Variants in TAX1BP1 observed in about 807,000 individuals in gnomAD.
The protein encoded by TAX1BP1 is tax1-binding protein 1.
TAX1BP1 carries 62 observed loss-of-function variants against 97.7 expected under a neutral mutation model. The ratio of observed to expected loss-of-function variants is 0.63; its 90% CI spans 0.52 to 0.78. The LOEUF is 0.78. TAX1BP1 is among the 30% of genes least tolerant of loss of function. TAX1BP1 has a pLI of 0.00. For synonymous variants in TAX1BP1, 340 were observed against 304.2 expected (o/e 1.12, Z -1.23); for missense variants, 867 against 916.1 (o/e 0.95, Z 0.69).
chr7:27,808,493 A>G (rs1041871838), intron 13 of TAX1BP1, among the ~76,000 whole-genome samples: 1 of 152,158 alleles, frequency 6.6e-6, no homozygotes, highest in African/African-American at 2.4e-5. Flanking sequence ...TTTGGTGGGT[A>G]GGGTGGAGGG....
At chr7:27,791,973 T>C (rs769095349) in intron 8 of TAX1BP1, 33 bp from the exon 9 acceptor site, 6 of 1,597,150 alleles carry the variant, frequency 3.8e-6, no homozygotes, top group Non-Finnish European at 5.1e-6. Context: ...CTTGAGTGGT[T>C]GAATTACAAA....
At chr7:27,787,641 A>G (rs1440577929) in intron 8 of TAX1BP1, 38 bp downstream of exon 8, 7 of 1,523,654 alleles carry the variant, frequency 4.6e-6, no homozygotes, top group East Asian at 2.3e-5. Flanking sequence ...AGATTGTAAA[A>G]CATACCTATG....
At chr7:27,781,481 T>G (rs1244490705) in intron 5 of TAX1BP1, among the ~76,000 whole-genome samples, 2 of 152,168 alleles carry the variant, frequency 1.3e-5, no homozygotes, top group Admixed American at 6.5e-5. Flanking sequence ...TTTGTGTATC[T>G]AAACATATCT....
intron 1 of TAX1BP1, among the ~76,000 whole-genome samples, chr7:27,746,549 T>G (rs1787827679): frequency 1.3e-5 from 2 of 152,130 alleles, no homozygotes; most frequent in South Asian, 4.1e-4. Flanking sequence ...TCTTCAGTTA[T>G]TTTAGGCAGA....
At chr7:27,755,985 C>G (rs564073809) in intron 2 of TAX1BP1, among the ~76,000 whole-genome samples, 1 of 152,102 alleles carries the variant, frequency 6.6e-6, no homozygotes, top group African/African-American at 2.4e-5. Context: ...TAATGGTGGA[C>G]TAAAAGACAA....
At chr7:27,773,353 A>G (rs1373835053) in intron 5 of TAX1BP1, among the ~76,000 whole-genome samples, 1 of 152,086 alleles carries the variant, frequency 6.6e-6, no homozygotes, top group South Asian at 2.1e-4. Flanking sequence ...ATTTTAATGT[A>G]TTTACAAAAT....
chr7:27,765,433 T>C (rs1355625387), intron 3 of TAX1BP1, among the ~76,000 whole-genome samples: 2 of 152,184 alleles, frequency 1.3e-5, no homozygotes, highest in East Asian at 1.9e-4. Flanking sequence ...ATGTAATGAA[T>C]GTCAAATTGG....
intron 15 of TAX1BP1, among the ~76,000 whole-genome samples, chr7:27,824,758 T>TG (rs1583413158): frequency 6.6e-6 from 1 of 152,120 alleles, no homozygotes; most frequent in Non-Finnish European, 1.5e-5. Context: ...TGCTGATGGG[T>TG]GTAAACATAG....
At chr7:27,764,023 T>A (rs1039058137) in intron 3 of TAX1BP1, among the ~76,000 whole-genome samples, 3 of 152,210 alleles carry the variant, frequency 2.0e-5, no homozygotes, top group African/African-American at 7.2e-5. Context: ...TTTGAAGTAA[T>A]TTTAGATGTA....
chr7:27,759,395 T>C (rs754155967), intron 3 of TAX1BP1, among the ~76,000 whole-genome samples: 16 of 152,148 alleles, frequency 1.1e-4, no homozygotes, highest in Non-Finnish European at 1.2e-4. Flanking sequence ...TAATTCCTGT[T>C]AGTGACAAAA....
intron 2 of TAX1BP1, among the ~76,000 whole-genome samples, chr7:27,749,991 A>G (rs1299578566): frequency 6.6e-6 from 1 of 151,996 alleles, no homozygotes; most frequent in Non-Finnish European, 1.5e-5. Flanking sequence ...GGGTCTCACT[A>G]TGTTGCCTAG....
At chr7:27,780,436 G>A (rs1194180899) in intron 5 of TAX1BP1, among the ~76,000 whole-genome samples, 1 of 151,940 alleles carries the variant, frequency 6.6e-6, no homozygotes, top group Non-Finnish European at 1.5e-5. Context: ...CCTTATAGTC[G>A]TTCCTAATTC....
chr7:27,750,994 C>G (rs1000363739), intron 2 of TAX1BP1, among the ~76,000 whole-genome samples: 1 of 152,138 alleles, frequency 6.6e-6, no homozygotes, highest in Non-Finnish European at 1.5e-5. Flanking sequence ...TTGTTTGAAA[C>G]TCTTCATTGG....
At chr7:27,824,549 CAAA>C (rs34757943) in intron 15 of TAX1BP1, among the ~76,000 whole-genome samples, 12 of 91,598 alleles carry the variant, frequency 1.3e-4, no homozygotes, top group South Asian at 4.2e-4. Flanking sequence ...GACCTTGTCT[CAAA>C]AAAAAAAAAA....
intron 5 of TAX1BP1, among the ~76,000 whole-genome samples, chr7:27,774,377 G>A (rs560307798): frequency 2.0e-5 from 3 of 152,088 alleles, no homozygotes; most frequent in Admixed American, 6.6e-5. Context: ...TGGATAAGTC[G>A]TCTAGTTAAC....
chr7:27,792,275 A>G, intron 9 of TAX1BP1, 45 bp downstream of exon 9: 1 of 1,488,900 alleles, frequency 6.7e-7, no homozygotes, highest in African/African-American at 1.4e-5. Flanking sequence ...TTAAGAAACC[A>G]CTATAATCTC....
At chr7:27,803,114 A>C in intron 13 of TAX1BP1, 2 of 1,545,618 alleles carry the variant, frequency 1.3e-6, no homozygotes, top group Non-Finnish European at 1.7e-6. Flanking sequence ...TTCAGCTTCA[A>C]TTGGCAGAGA....
At chr7:27,757,433 ATTAGTGAAT>A (rs1788262835) in intron 2 of TAX1BP1, among the ~76,000 whole-genome samples, 1 of 152,116 alleles carries the variant, frequency 6.6e-6, no homozygotes, top group South Asian at 2.1e-4. Flanking sequence ...AAGATGAGAG[ATTAGTGAAT>A]TTAGTGGATT....
intron 1 of TAX1BP1, among the ~76,000 whole-genome samples, chr7:27,744,283 G>A (rs918320697): frequency 1.3e-5 from 2 of 151,836 alleles, no homozygotes; most frequent in African/African-American, 2.4e-5. Flanking sequence ...CTGCCACCTC[G>A]CCCGGCTAAT....
Sources: allele counts gnomAD v4.1 joint callset (sites outside exome capture counted in the v4.1 genomes callset), GRCh38; gene constraint gnomAD v4.1.1; transcripts MANE v1.5; gene names NCBI Gene and HGNC (gene_info 2026-07-23, HGNC 2026-07-21).